Variants in NBPF9 observed in about 807,000 individuals in gnomAD.
NBPF9 encodes NBPF family member NBPF9.
In NBPF9, 91 loss-of-function variants were observed where a neutral mutation model predicts 97.8. The ratio of observed to expected loss-of-function variants is 0.93; its 90% CI spans 0.79 to 1.11. The LOEUF (loss-of-function observed/expected upper bound fraction) is 1.11. NBPF9 is among the 50% of genes least tolerant of loss of function. The pLI is 0.00. For missense variants in NBPF9, 992 were observed against 939.5 expected (o/e 1.06, Z -0.73); for synonymous variants, 334 against 359.5 (o/e 0.93, Z 0.80).
chr1:149,082,224 A>T, intron 6 of NBPF9, 48 bp downstream of exon 6: 3 of 1,461,578 alleles, frequency 2.1e-6, no homozygotes, highest in Non-Finnish European at 2.9e-6. Context: ...TGGTGAAATC[A>T]AATAGGTTTA....
At chr1:149,079,134 T>G in exon 9 of NBPF9, 1 of 1,307,722 alleles carries the variant, frequency 7.6e-7, no homozygotes, top group Non-Finnish European at 1.1e-6. Flanking sequence ...GCTCATTCAA[T>G]GAGCGGGAGG....
chr1:149,098,639 G>A (rs1185296688), exon 4 of NBPF9: 7 of 1,083,772 alleles, frequency 6.5e-6, no homozygotes, highest in East Asian at 9.6e-5. Flanking sequence ...GGTAAGGGAC[G>A]GTAAGGTGAG....
intron 4 of NBPF9, among the ~76,000 whole-genome samples, chr1:149,091,515 G>GA: frequency 6.6e-6 from 1 of 152,018 alleles, no homozygotes; most frequent in African/African-American, 2.4e-5. Context: ...CAACATGGAT[G>GA]AATCTCAAAA....
rs4067696 is a variant in NBPF9, at chr1:149,089,208, C to A, written c.-195+1545G>T. On this transcript the variant is annotated intron_variant, in intron 5 of 29. Coordinates refer to ENST00000584027, the Ensembl canonical transcript of NBPF9. ...GGAGAGGTGCCACAGGACCTTTACA[C>A]GCACACCGCTGTTCCCCTCACCCAT... Among the ~76,000 whole-genome samples the A allele has an allele frequency of 4.9e-4, 74 of 152,288 alleles. 3 individuals carry two copies. The highest frequency in any genetic ancestry group is 4.6e-3 in the Admixed American group (70 of 15,296).
At chr1:149,059,802 T>A (rs2078483344) in exon 25 of NBPF9, 1 of 527,338 alleles carries the variant, frequency 1.9e-6, no homozygotes, top group Non-Finnish European at 3.4e-6. Context: ...CCCCTTCTTT[T>A]CAATTTCTGC....
chr1:149,097,801 C>T (rs1284939124), intron 4 of NBPF9, among the ~76,000 whole-genome samples: 1 of 152,168 alleles, frequency 6.6e-6, no homozygotes, highest in Non-Finnish European at 1.5e-5. Context: ...AAGAAGGCGT[C>T]CACCACAAGG....
chr1:149,101,798 T>C (rs1243022148), intron 2 of NBPF9, among the ~76,000 whole-genome samples: 2 of 152,110 alleles, frequency 1.3e-5, no homozygotes, highest in African/African-American at 2.4e-5. Context: ...CAGTATGTAA[T>C]ACTAAGTTTT....
At chr1:149,083,069 A>C (rs2080661834) in intron 5 of NBPF9, among the ~76,000 whole-genome samples, 2 of 143,930 alleles carry the variant, frequency 1.4e-5, no homozygotes. Context: ...CAGCCTCCCA[A>C]AGTGCTGGGA....
intron 13 of NBPF9, 54 bp downstream of exon 13, chr1:149,073,714 A>G: frequency 7.3e-7 from 1 of 1,371,080 alleles, no homozygotes; most frequent in Non-Finnish European, 1.0e-6. Context: ...GAGCTGCTGT[A>G]CTTCAGAGAT....
At chr1:149,052,547 TA>T (rs2077972532), downstream of NBPF9, among the ~76,000 whole-genome samples, 1 of 151,742 alleles carries the variant, frequency 6.6e-6, no homozygotes, top group South Asian at 2.1e-4. Context: ...AGGAGAGAAT[TA>T]AGAGGCCTAA....
chr1:149,086,952 CTG>C (rs1379069072), intron 5 of NBPF9, among the ~76,000 whole-genome samples: 1 of 152,048 alleles, frequency 6.6e-6, no homozygotes, highest in Non-Finnish European at 1.5e-5. Flanking sequence ...CTTTAAGAAA[CTG>C]TTAGATTTTC....
chr1:149,064,827 T>C (rs1182807605), intron 18 of NBPF9: 2 of 552,298 alleles, frequency 3.6e-6, no homozygotes, highest in Admixed American at 3.1e-5. Flanking sequence ...CTTTCTCTCA[T>C]CAAATACCCA....
At chr1:149,070,988 G>C (rs377146782) in exon 16 of NBPF9, 7 of 1,612,330 alleles carry the variant, frequency 4.3e-6, no homozygotes, top group African/African-American at 1.3e-5. Flanking sequence ...GAGCCAATGA[G>C]AGTTGAGTCG....
intron 5 of NBPF9, among the ~76,000 whole-genome samples, chr1:149,085,701 G>T (rs1246787731): frequency 6.6e-6 from 1 of 151,402 alleles, no homozygotes; most frequent in Admixed American, 6.6e-5. Flanking sequence ...ATGTTTTATT[G>T]AATTTCATTT....
intron 8 of NBPF9, among the ~76,000 whole-genome samples, chr1:149,079,801 T>A (rs1273378530): frequency 6.6e-6 from 1 of 152,142 alleles, no homozygotes; most frequent in East Asian, 1.9e-4. Flanking sequence ...CTTTGGTGAA[T>A]TTTGTGTTAT....
intron 8 of NBPF9, 59 bp downstream of exon 8, chr1:149,079,994 G>C (rs1272621131): frequency 1.0e-5 from 14 of 1,380,394 alleles, no homozygotes; most frequent in Non-Finnish European, 1.4e-5. Context: ...CCGCCGAGCT[G>C]CTGTACTTCA....
At chr1:149,065,928 G>C (rs2079013598) in intron 17 of NBPF9, 2 of 615,798 alleles carry the variant, frequency 3.2e-6, no homozygotes, top group South Asian at 2.0e-5. Context: ...AGCCAACTCA[G>C]GGCACCCAGA....
intron 4 of NBPF9, among the ~76,000 whole-genome samples, chr1:149,093,125 C>T (rs1486873271): frequency 6.6e-6 from 1 of 151,830 alleles, no homozygotes; most frequent in Non-Finnish European, 1.5e-5. Flanking sequence ...GAGAGAAGAT[C>T]AGCAGGTAAA....
chr1:149,064,989 A>G, intron 18 of NBPF9: 1 of 542,522 alleles, frequency 1.8e-6, no homozygotes, highest in Non-Finnish European at 3.3e-6. Flanking sequence ...TCTAGAAAAC[A>G]TACCAGGAAC....
Sources: gnomAD v4.1 joint callset for allele counts (sites outside exome capture counted in the v4.1 genomes callset) on GRCh38, gnomAD v4.1.1 for gene constraint, MANE v1.5 for transcripts, NCBI Gene and HGNC (gene_info 2026-07-23, HGNC 2026-07-21) for gene names.